HSPG2: variants seen among roughly 807,000 people sequenced by gnomAD.
HSPG2 encodes the protein basement membrane-specific heparan sulfate proteoglycan core protein.
In HSPG2, 278 loss-of-function variants were observed where a neutral mutation model predicts 526.6. The observed-to-expected ratio is 0.53, with a 90% CI of 0.48 to 0.58. The LOEUF (loss-of-function observed/expected upper bound fraction) is 0.58. Ranked by LOEUF, HSPG2 falls within the 20% of genes least tolerant of loss-of-function variation. The pLI is 0.00. For missense variants in HSPG2, 5,354 were observed against 6,099.5 expected, an observed-to-expected ratio of 0.88 and a Z score of 4.07; for synonymous variants, 2,465 against 2,555.4, an observed-to-expected ratio of 0.96 and a Z score of 1.07.
chr1:21,925,464 T>C (rs1644163798), intron 1 of HSPG2, among the ~76,000 whole-genome samples: 1 of 152,142 alleles, frequency 6.6e-6, no homozygotes, highest in Non-Finnish European at 1.5e-5. Flanking sequence ...CAAAACTCAC[T>C]GAACTCCCAA....
At position 21,829,029 on chromosome 1, in the gene HSPG2, G is replaced by T. The variant is rs745720885; in HGVS notation, c.12043C>A (p.Arg4015Ser). 1 of 1,551,800 alleles carries T rather than the reference G, an allele frequency of 6.4e-7. No homozygotes were observed. The highest frequency in any genetic ancestry group is 8.7e-7 in the Non-Finnish European group (1 of 1,148,762). ...AEPLALGRWH[R>S]VSAERLNKDG... ...TTGTTGAGACGCTCTGCAGACACACGGTGCCAGCGGCCCAGGGCCAGCGGC... is the reference window on the plus strand; with the variant it reads ...TTGTTGAGACGCTCTGCAGACACACTGTGCCAGCGGCCCAGGGCCAGCGGC... Residue 4015 changes from arginine to serine, a missense_variant, in exon 88 of 97, where the codon CGT (arginine) becomes AGT (serine). Coordinates refer to ENST00000374695, the MANE Select transcript of HSPG2 (RefSeq NM_005529.7).
chr1:21,876,280 G>C lies in HSPG2; in HGVS notation c.2952C>G (p.Leu984=). The C allele has an allele frequency of 1.2e-6, 2 of 1,613,986 alleles. No homozygotes were observed. Among genetic ancestry groups the C allele is most frequent in the Non-Finnish European group, 1.7e-6 (2 of 1,179,992 alleles). Reference sequence around the variant, plus strand: ...GGCTCCAGAAGTAGGGTCCAGATAAGAGTCTGTGGAAGGAGGAGAATCCCA... The same window carrying C: ...GGCTCCAGAAGTAGGGTCCAGATAACAGTCTGTGGAAGGAGGAGAATCCCA... ...GELGFSSFHR[L]LSGPYFWSLP... Residue 984 remains leucine, a synonymous_variant, in exon 23 of 97, where the codon CTC becomes CTG. Transcript: ENST00000374695.
chr1:21,860,666 T>C (rs1418958239), intron 39 of HSPG2, among the ~76,000 whole-genome samples: 1 of 152,152 alleles, frequency 6.6e-6, no homozygotes, highest in African/African-American at 2.4e-5. Flanking sequence ...TAATTTTTTG[T>C]ATTTTTAGTA....
Position 21,838,949 on chromosome 1 carries a change from C to G in HSPG2, c.10026G>C (p.Arg3342Ser), listed in dbSNP as rs552439702. ...GCAGCAGCTCGTTCCTGGCGGTCGC[C>G]CTCCCAGGAAGGCTGCTGCCCACGC... Reference protein sequence around the residue: ...WSRVGSSLPGRATARNELLHF... With the variant: ...WSRVGSSLPGSATARNELLHF... Residue 3342 changes from arginine to serine, a missense_variant, in exon 74 of 97, where the codon AGG (arginine) becomes AGC (serine). Coordinates refer to ENST00000374695, the MANE Select transcript of HSPG2 (RefSeq NM_005529.7). 6 of 1,612,472 alleles carry G rather than the reference C, an allele frequency of 3.7e-6. No homozygotes were observed. In the East Asian group the frequency reaches 1.3e-4, roughly 36 times the overall value.
intron 33 of HSPG2, among the ~76,000 whole-genome samples, chr1:21,869,951 CA>C (rs1047061363): frequency 2.0e-5 from 3 of 152,220 alleles, no homozygotes; most frequent in African/African-American, 4.8e-5. Flanking sequence ...GAGGCAGCCC[CA>C]GGGGCATCTG....
At chr1:21,911,882 C>T (rs1417920057) in intron 1 of HSPG2, among the ~76,000 whole-genome samples, 3 of 152,186 alleles carry the variant, frequency 2.0e-5, no homozygotes, top group African/African-American at 7.2e-5. Flanking sequence ...ACGCAGCTCT[C>T]TCTCCTCTGA....
rs780195382 is a variant in HSPG2, at chr1:21,831,197, T to C, written c.11562+18A>G. The C allele has an allele frequency of 3.1e-6, 5 of 1,604,688 alleles. No homozygotes were observed. The Admixed American group carries it at 8.3e-5, about 27-fold the overall frequency. ...TGGAGGCCACGGCAGCCAGGTGGTG[T>C]GTGGGGTGTGGGGTCACCTGGCAGG... On this transcript the variant is annotated intron_variant, in intron 84 of 96. Coordinates refer to ENST00000374695, the MANE Select transcript of HSPG2 (RefSeq NM_005529.7).
chr1:21,871,201 A>C (rs1269344198), intron 33 of HSPG2, among the ~76,000 whole-genome samples: 2 of 136,646 alleles, frequency 1.5e-5, no homozygotes, highest in African/African-American at 2.8e-5. Flanking sequence ...CCACCTTTCC[A>C]CCAGACCCTG....
rs1426464216 is a variant in HSPG2, at chr1:21,839,699, A to G, written c.9709+123T>C. 5.1e-6 allele frequency: 7 copies of G among 1,377,994 alleles called. No individual in the cohort carries two copies. The highest frequency in any genetic ancestry group is 7.0e-6 in the Non-Finnish European group (7 of 993,678). 85.4% of individuals were successfully genotyped at this position (1,377,994 alleles called of 1,614,324 possible). ...TCGGCCATCACTGGGGGATGCTAGC[A>G]ACACGGTCTCCCCGTACTCCCCACC... On this transcript the variant is annotated intron_variant, in intron 72 of 96. Coordinates refer to ENST00000374695, the MANE Select transcript of HSPG2 (RefSeq NM_005529.7). This position sits in a 1 kb window ranked among gnomAD's most constrained non-coding sequence, Gnocchi z 4.5.
rs185977135 is a variant in HSPG2 at position 21,857,324 on chromosome 1, G to C, written c.5355C>G (p.Pro1785=). The change falls in exon 43 of 97, where the codon CCC becomes CCG. Residue 1785 remains proline (P), a synonymous_variant. Transcript: ENST00000374695. ...TGCAGATGAAGGTGACGTCAGCTCCGGGGCGCACGCTCTGGCTCCGCTGCT... is the reference window on the plus strand; with the variant it reads ...TGCAGATGAAGGTGACGTCAGCTCCCGGGCGCACGCTCTGGCTCCGCTGCT... The part of the protein sequence containing the change: ...VEEQRSQSVR[P]GADVTFICTA... 1 of 1,614,024 alleles carries C rather than the reference G, an allele frequency of 6.2e-7. No homozygotes were observed. The highest frequency in any genetic ancestry group is 8.5e-7 in the Non-Finnish European group (1 of 1,179,998).
At position 21,875,959 on chromosome 1, in the gene HSPG2, C is replaced by T. The variant is rs1641030667; in HGVS notation, c.3087G>A (p.Leu1029=). 6.2e-7 allele frequency: 1 copy of T among 1,614,174 alleles called. No individual in the cohort carries two copies. Among genetic ancestry groups the T allele is most frequent in the Non-Finnish European group, 8.5e-7 (1 of 1,180,006 alleles). ...TGATGTTGTTACCTTGCAGCACCAC[C>T]AACGGCTGCCCGTGCAGGGGTGTGG... ...PGSTPLHGQP[L]VVLQGNNIIL... is the part of the protein sequence containing the mutation. Residue 1029 remains leucine, a synonymous_variant, in exon 24 of 97, where the codon TTG becomes TTA. Transcript: ENST00000374695.
chr1:21,918,089 T>C (rs1263959492), intron 1 of HSPG2, among the ~76,000 whole-genome samples: 12 of 152,186 alleles, frequency 7.9e-5, no homozygotes, highest in Admixed American at 7.2e-4. Context: ...CAATTTCTTA[T>C]GGCTCTTCCC....
Position 21,887,980 on chromosome 1 carries a change from G to A in HSPG2, c.661C>T (p.Arg221Trp), listed in dbSNP as rs766993548. 1.2e-5 allele frequency: 20 copies of A among 1,614,142 alleles called. No individual in the cohort carries two copies. The highest frequency in any genetic ancestry group is 7.7e-5 in the South Asian group (7 of 91,072). ...ECVALEYRCDRRPDCRDMSDE... is the reference protein window; with the variant it reads ...ECVALEYRCDWRPDCRDMSDE... ...GACATGTCCCTGCAGTCGGGCCGCC[G>A]GTCACAGCGATACTCCAGGGCCACA... is the stretch of plus-strand genomic sequence containing the variant. The change falls in exon 7 of 97, where the codon CGG becomes TGG. Residue 221 changes from arginine (R) to tryptophan (W), a missense_variant. Transcript: ENST00000374695. This position sits in a 1 kb window ranked among gnomAD's most constrained non-coding sequence, Gnocchi z 5.0.
In HSPG2 at chr1:21,839,377, C is replaced by A; in HGVS notation, c.9883G>T (p.Val3295Leu). 2 of 1,612,534 alleles carry A rather than the reference C, an allele frequency of 1.2e-6. No individual in the cohort carries two copies. The highest frequency in any genetic ancestry group is 1.7e-6 in the Non-Finnish European group (2 of 1,179,962). ...AGAAGGGATGAGGCCTTACTCTCCACGTGCAGGATGATGGTGGCCTCAGCG... is the reference window on the plus strand; with the variant it reads ...AGAAGGGATGAGGCCTTACTCTCCAAGTGCAGGATGATGGTGGCCTCAGCG... ...GHAEATIILH[V>L]ESPPYATTVP... The change falls in exon 73 of 97, where the codon GTG (valine) becomes TTG (leucine). Residue 3295 changes from valine to leucine, a missense_variant. By Grantham distance (32) the Val-to-Leu change is conservative (BLOSUM62 1). Coordinates refer to ENST00000374695, the MANE Select transcript of HSPG2 (RefSeq NM_005529.7). This position sits in a 1 kb window ranked among gnomAD's most constrained non-coding sequence, Gnocchi z 4.5.
Position 21,864,902 on chromosome 1 carries a change from G to A in HSPG2, c.4567C>T (p.Arg1523Cys), listed in dbSNP as rs758124543. ...CGGCACTCCTCCACCTCGAGGGCGCGGGGTCTGTTTGAGGGCCCCGGCTGG... is the reference window on the plus strand; with the variant it reads ...CGGCACTCCTCCACCTCGAGGGCGCAGGGTCTGTTTGAGGGCCCCGGCTGG... ...VAQPGPSNRP[R>C]ALEVEECRCP... is the part of the protein sequence containing the mutation. Residue 1523 changes from arginine to cysteine, a missense_variant, in exon 36 of 97, where the codon CGC (arginine) becomes TGC (cysteine). By Grantham distance (180) the Arg-to-Cys change is radical (BLOSUM62 -3). Coordinates refer to ENST00000374695, the MANE Select transcript of HSPG2 (RefSeq NM_005529.7). The surrounding 1 kb of genome is among the most constrained non-coding windows in gnomAD (Gnocchi z 4.8). 8 of 1,610,118 alleles carry A rather than the reference G, an allele frequency of 5.0e-6. No homozygotes were observed. Among genetic ancestry groups the A allele is most frequent in the Admixed American group, 1.7e-5 (1 of 59,892 alleles).
chr1:21,886,645 A>C (rs1641916672), intron 9 of HSPG2, among the ~76,000 whole-genome samples: 1 of 152,196 alleles, frequency 6.6e-6, no homozygotes, highest in Non-Finnish European at 1.5e-5. Flanking sequence ...GAAAAGATGG[A>C]TACCACAAGG....
In HSPG2 at chr1:21,852,119, T is replaced by A. The variant is rs1638952521; in HGVS notation, c.6839A>T (p.Lys2280Met). The A allele has an allele frequency of 6.2e-7, 1 of 1,613,614 alleles. No individual in the cohort carries two copies. The highest frequency in any genetic ancestry group is 8.5e-7 in the Non-Finnish European group (1 of 1,180,032). The change falls in exon 53 of 97, where the codon AAG (lysine) becomes ATG (methionine). Residue 2280 changes from lysine (K) to methionine (M), a missense_variant. Transcript: ENST00000374695. ...CCGGGCAGGGAGGCTGCCCCCACGC[T>A]TGTACCATGTGACCTGGGCGTGGGC... Reference protein sequence around the residue: ...GQAHAQVTWYKRGGSLPARHQ... With the variant: ...GQAHAQVTWYMRGGSLPARHQ...
chr1:21,922,845 G>A (rs1644080077), intron 1 of HSPG2, among the ~76,000 whole-genome samples: 1 of 152,074 alleles, frequency 6.6e-6, no homozygotes, highest in Admixed American at 6.5e-5. Flanking sequence ...AGCCATCCCA[G>A]TACCCCCTCC....
intron 1 of HSPG2, among the ~76,000 whole-genome samples, chr1:21,921,264 T>A (rs993857491): frequency 6.6e-6 from 1 of 152,138 alleles, no homozygotes; most frequent in African/African-American, 2.4e-5. Context: ...CCCAAAGCCC[T>A]AATCATCAGG....
Sources: gnomAD v4.1 joint callset for allele counts (sites outside exome capture counted in the v4.1 genomes callset) on GRCh38, gnomAD v4.1.1 for gene constraint, Gnocchi (gnomAD v3.1) non-coding constraint, MANE v1.5 for transcripts, NCBI Gene and HGNC (gene_info 2026-07-23, HGNC 2026-07-21) for gene names.